SPOCK1: variants seen among roughly 807,000 people sequenced by gnomAD.
SPOCK1 encodes SPARC (osteonectin), cwcv and kazal like domains proteoglycan 1, also known as testican-1.
Under a neutral mutation model 55.3 loss-of-function variants are expected in SPOCK1, and 23 were observed. The ratio of observed to expected loss-of-function variants is 0.42; its 90% CI spans 0.30 to 0.59. SPOCK1 has a LOEUF of 0.59. Ranked by LOEUF, SPOCK1 falls within the 20% of genes least tolerant of loss-of-function variation. The pLI, the probability that SPOCK1 is intolerant of heterozygous loss-of-function variation, is 0.22. For missense variants in SPOCK1, 499 were observed against 552.5 expected (o/e 0.90, Z 0.97); for synonymous variants, 226 against 221.0 (o/e 1.02, Z -0.20).
chr5:137,379,899 C>G (rs924933156), intron 2 of SPOCK1, among the ~76,000 whole-genome samples: 3 of 152,150 alleles, frequency 2.0e-5, no homozygotes, highest in Admixed American at 1.3e-4. Context: ...AATTCATGAG[C>G]CCCCGTGGTG....
chr5:137,310,484 A>G (rs1352990156), intron 2 of SPOCK1, among the ~76,000 whole-genome samples: 1 of 152,238 alleles, frequency 6.6e-6, no homozygotes, highest in African/African-American at 2.4e-5. Flanking sequence ...AATTGTTTTG[A>G]AGAAAGTAGG....
rs1400226461 is a variant in SPOCK1, at chr5:136,977,906, C to T, written c.*748G>A. On this transcript the variant is annotated 3_prime_UTR_variant, in exon 11 of 11. Transcript: ENST00000394945. ...GGTCTGGACAAGCTGAGAAATTTAT[C>T]ATTGTTTTTCGAGTTTTTAAGATAC... The T allele has an allele frequency of 2.5e-6, 1 of 397,792 alleles. No individual in the cohort carries two copies. The highest frequency in any genetic ancestry group is 3.6e-5 in the East Asian group (1 of 28,072). 24.6% of individuals were successfully genotyped at this position (397,792 alleles called of 1,614,324 possible).
intron 2 of SPOCK1, among the ~76,000 whole-genome samples, chr5:137,447,095 G>A (rs1753145192): frequency 6.6e-6 from 1 of 152,192 alleles, no homozygotes; most frequent in Non-Finnish European, 1.5e-5. Context: ...GGCTGTTGTT[G>A]TTAATGCTGC....
intron 5 of SPOCK1, among the ~76,000 whole-genome samples, chr5:137,081,335 T>C (rs1752874871): frequency 1.3e-5 from 2 of 152,292 alleles, no homozygotes; most frequent in African/African-American, 2.4e-5. Context: ...TTTAAAGTGA[T>C]AGAGAGGCAG....
intron 5 of SPOCK1, among the ~76,000 whole-genome samples, chr5:137,099,908 C>A (rs527576273): frequency 6.6e-6 from 1 of 152,164 alleles, no homozygotes. Context: ...CTCCCCACCC[C>A]CCGGAGTCAT....
At chr5:137,042,280 T>C (rs1752014441) in intron 6 of SPOCK1, among the ~76,000 whole-genome samples, 1 of 152,170 alleles carries the variant, frequency 6.6e-6, no homozygotes, top group South Asian at 2.1e-4. Flanking sequence ...AACAGATCAG[T>C]GGTTCCCAGG....
intron 2 of SPOCK1, among the ~76,000 whole-genome samples, chr5:137,363,018 G>T (rs1300575275): frequency 6.6e-6 from 1 of 152,184 alleles, no homozygotes; most frequent in Non-Finnish European, 1.5e-5. Flanking sequence ...TTTTCATGAG[G>T]TTATTCAGCC....
intron 2 of SPOCK1, among the ~76,000 whole-genome samples, chr5:137,412,825 T>C (rs905539731): frequency 6.6e-6 from 1 of 152,182 alleles, no homozygotes; most frequent in Non-Finnish European, 1.5e-5. Flanking sequence ...TGCAGGAATG[T>C]TCTCTACTGC....
intron 2 of SPOCK1, among the ~76,000 whole-genome samples, chr5:137,482,776 G>C (rs1209715737): frequency 6.6e-6 from 1 of 152,198 alleles, no homozygotes; most frequent in Non-Finnish European, 1.5e-5. Flanking sequence ...AGAATCAAGG[G>C]AGAATACCCA....
At chr5:136,980,601 C>T (rs1750709215) in intron 9 of SPOCK1, among the ~76,000 whole-genome samples, 1 of 152,166 alleles carries the variant, frequency 6.6e-6, no homozygotes. Context: ...AGTTCCTCTG[C>T]ACACGCTCTC....
chr5:137,470,616 A>G (rs1356395020), intron 2 of SPOCK1, among the ~76,000 whole-genome samples: 2 of 151,610 alleles, frequency 1.3e-5, no homozygotes, highest in Admixed American at 6.6e-5. Flanking sequence ...TGGCTCATGC[A>G]AGAGCCATGC....
chr5:137,289,449 T>C (rs1757326709), intron 2 of SPOCK1, among the ~76,000 whole-genome samples: 1 of 152,036 alleles, frequency 6.6e-6, no homozygotes, highest in African/African-American at 2.4e-5. Flanking sequence ...AATGAGTCCT[T>C]TAAAAAGAGG....
intron 4 of SPOCK1, among the ~76,000 whole-genome samples, chr5:137,118,581 A>G (rs1293458793): frequency 2.6e-5 from 4 of 152,256 alleles, no homozygotes; most frequent in Non-Finnish European, 5.9e-5. Flanking sequence ...GGCCATAGCC[A>G]GGGCCGACAG....
chr5:136,990,947 C>T (rs550895218), intron 7 of SPOCK1, among the ~76,000 whole-genome samples: 1 of 152,208 alleles, frequency 6.6e-6, no homozygotes, highest in Non-Finnish European at 1.5e-5. Context: ...CCCAAGAGTG[C>T]AGGGACCAAG....
At chr5:137,433,202 A>C (rs996538435) in intron 2 of SPOCK1, among the ~76,000 whole-genome samples, 1 of 152,168 alleles carries the variant, frequency 6.6e-6, no homozygotes, top group African/African-American at 2.4e-5. Flanking sequence ...GACTTGAAAA[A>C]CCAGAACCTT....
chr5:136,985,134 A>T lies in SPOCK1; in HGVS notation c.991+6T>A, dbSNP rs766101152. 5 of 1,613,946 alleles carry T rather than the reference A, an allele frequency of 3.1e-6. No individual in the cohort carries two copies. The highest frequency in any genetic ancestry group is 4.2e-6 in the Non-Finnish European group (5 of 1,179,776). On this transcript the variant is annotated splice_donor_region_variant and intron_variant, in intron 9 of 10. Transcript: ENST00000394945. ...GTTTAAATGAGTGGCAAGAAATTGTACTTACCCAACAGGCTTTTCCCCTTA... is the reference window on the plus strand; with the variant it reads ...GTTTAAATGAGTGGCAAGAAATTGTTCTTACCCAACAGGCTTTTCCCCTTA...
chr5:137,172,139 A>G (rs1327051414), intron 3 of SPOCK1, among the ~76,000 whole-genome samples: 1 of 152,182 alleles, frequency 6.6e-6, no homozygotes, highest in Non-Finnish European at 1.5e-5. Context: ...AACTCACAAC[A>G]TTTCTAAATC....
At chr5:137,267,286 C>T (rs1561488699) in intron 2 of SPOCK1, among the ~76,000 whole-genome samples, 1 of 152,180 alleles carries the variant, frequency 6.6e-6, no homozygotes, top group Non-Finnish European at 1.5e-5. Flanking sequence ...AAAAACATTT[C>T]AGCCCAGTAT....
intron 2 of SPOCK1, among the ~76,000 whole-genome samples, chr5:137,379,307 G>A (rs1406971787): frequency 6.7e-6 from 1 of 150,236 alleles, no homozygotes; most frequent in Non-Finnish European, 1.5e-5. Flanking sequence ...TCACAGAAAA[G>A]ACAGAATAAC....
Sources: gnomAD v4.1 joint callset for allele counts (sites outside exome capture counted in the v4.1 genomes callset) on GRCh38, gnomAD v4.1.1 for gene constraint, MANE v1.5 for transcripts, NCBI Gene and HGNC (gene_info 2026-07-23, HGNC 2026-07-21) for gene names.